The following PDZRN4 variants were observed in gnomAD, a reference collection of about 807,000 sequenced individuals.
PDZRN4 encodes PDZ domain containing ring finger 4, also known as PDZ domain-containing RING finger protein 4.
Under a neutral mutation model 99.0 loss-of-function variants are expected in PDZRN4, and 70 were observed. The ratio of observed to expected loss-of-function variants is 0.71; its 90% confidence interval spans 0.58 to 0.86. The LOEUF is 0.86. Among genes scored for constraint, PDZRN4 ranks in the 40% least tolerant of loss-of-function variants. The probability of loss-of-function intolerance (pLI) is 0.00; values close to 1 mark genes in which losing one functional copy is unlikely to be tolerated. For synonymous variants in PDZRN4, 551 were observed against 501.6 expected, an observed-to-expected ratio of 1.10 and a Z score of -1.32; for missense variants, 1,474 against 1,331.2, an observed-to-expected ratio of 1.11 and a Z score of -1.67.
At chr12:41,474,056 TG>T (rs1264256703) in intron 3 of PDZRN4, among the ~76,000 whole-genome samples, 1 of 152,190 alleles carries the variant, frequency 6.6e-6, no homozygotes, top group Non-Finnish European at 1.5e-5. Context: ...GAGGTGCCTA[TG>T]GCCTGTGAAG....
At chr12:41,237,071 C>T (rs895790368) in intron 3 of PDZRN4, among the ~76,000 whole-genome samples, 1 of 151,986 alleles carries the variant, frequency 6.6e-6, no homozygotes, top group Non-Finnish European at 1.5e-5. Flanking sequence ...ATTCACAAAA[C>T]TAACTTGCAT....
chr12:41,282,683 C>T (rs115086395), intron 3 of PDZRN4, among the ~76,000 whole-genome samples: 12 of 152,118 alleles, frequency 7.9e-5, no homozygotes, highest in East Asian at 1.9e-4. Flanking sequence ...TCTCAGACCA[C>T]GGTGAAATCA....
At chr12:41,437,819 G>A in intron 3 of PDZRN4, 1 of 1,579,108 alleles carries the variant, frequency 6.3e-7, no homozygotes, top group Admixed American at 1.7e-5. Flanking sequence ...CGGTTTGTCT[G>A]TGTTTCTGGA....
At chr12:41,378,171 G>A (rs963381291) in intron 3 of PDZRN4, among the ~76,000 whole-genome samples, 1 of 152,012 alleles carries the variant, frequency 6.6e-6, no homozygotes, top group African/African-American at 2.4e-5. Flanking sequence ...ATTTGTTGAA[G>A]GTTTTTATCA....
Position 41,393,507 on chromosome 12 carries a change from T to TA in PDZRN4, c.844-112937dup, listed in dbSNP as rs61331927. On this transcript the variant is annotated intron_variant, in intron 3 of 9. Transcript: ENST00000402685. ...GAAAGATCTAGAAACCCTTCTAAAATAAAAAAAAAAAATGTAGCTTTTCTT... is the reference window on the plus strand; with the variant it reads ...GAAAGATCTAGAAACCCTTCTAAAATAAAAAAAAAAAAATGTAGCTTTTCTT... 7.5e-3 allele frequency among the ~76,000 whole-genome samples: 1,121 copies of TA among 149,104 alleles called. 8 individuals carry two copies. Among genetic ancestry groups the TA allele is most frequent in the Middle Eastern group, 0.014 (4 of 286 alleles).
At chr12:41,567,115 T>C (rs1939386512) in intron 8 of PDZRN4, among the ~76,000 whole-genome samples, 1 of 152,214 alleles carries the variant, frequency 6.6e-6, no homozygotes, top group Non-Finnish European at 1.5e-5. Context: ...CACCCTTAAA[T>C]GTCGCATCCA....
intron 3 of PDZRN4, among the ~76,000 whole-genome samples, chr12:41,252,197 T>C (rs1399470997): frequency 6.6e-6 from 1 of 152,204 alleles, no homozygotes; most frequent in Non-Finnish European, 1.5e-5. Flanking sequence ...GTCTTATAAA[T>C]ACTTTATGGT....
chr12:41,437,377 T>C (rs1289782485), intron 3 of PDZRN4, among the ~76,000 whole-genome samples: 2 of 152,156 alleles, frequency 1.3e-5, no homozygotes, highest in East Asian at 3.8e-4. Flanking sequence ...GTAAACTAAG[T>C]ATATTTCTGT....
intron 7 of PDZRN4, among the ~76,000 whole-genome samples, chr12:41,560,462 G>A (rs1214488488): frequency 5.3e-5 from 8 of 152,082 alleles, no homozygotes; most frequent in Admixed American, 5.2e-4. Context: ...CTTAGCCAAG[G>A]CAATATCCAT....
chr12:41,372,602 C>T (rs1407035802), intron 3 of PDZRN4, among the ~76,000 whole-genome samples: 2 of 152,066 alleles, frequency 1.3e-5, no homozygotes, highest in South Asian at 2.1e-4. Context: ...ACTTAGTTCA[C>T]GTACAGGGAA....
At chr12:41,196,025 A>G (rs1950769516) in intron 3 of PDZRN4, among the ~76,000 whole-genome samples, 1 of 152,184 alleles carries the variant, frequency 6.6e-6, no homozygotes, top group African/African-American at 2.4e-5. Context: ...AATATTATGT[A>G]TGCTTCATTA....
intron 3 of PDZRN4, among the ~76,000 whole-genome samples, chr12:41,342,994 T>C (rs1252205921): frequency 6.6e-6 from 1 of 151,782 alleles, no homozygotes; most frequent in African/African-American, 2.4e-5. Flanking sequence ...AAACAATAAA[T>C]AGATAAAGAA....
At chr12:41,512,202 G>T (rs893795751) in intron 5 of PDZRN4, among the ~76,000 whole-genome samples, 5 of 152,022 alleles carry the variant, frequency 3.3e-5, no homozygotes, top group African/African-American at 9.7e-5. Flanking sequence ...ATTTAATGAG[G>T]ACTTAAAATG....
chr12:41,406,329 G>C (rs554811177), intron 3 of PDZRN4, among the ~76,000 whole-genome samples: 99 of 151,768 alleles, frequency 6.5e-4, no homozygotes, highest in African/African-American at 2.3e-3. Context: ...AAATAAAACA[G>C]TTTGGTTGAA....
intron 9 of PDZRN4, among the ~76,000 whole-genome samples, chr12:41,570,965 T>C (rs1939461021): frequency 6.6e-6 from 1 of 152,176 alleles, no homozygotes; most frequent in African/African-American, 2.4e-5. Flanking sequence ...CTTTTTATCC[T>C]GCCACTACTT....
At chr12:41,286,017 A>G (rs1482187651) in intron 3 of PDZRN4, among the ~76,000 whole-genome samples, 2 of 152,094 alleles carry the variant, frequency 1.3e-5, no homozygotes, top group African/African-American at 4.8e-5. Flanking sequence ...AAGAGAAAAA[A>G]AATAAAATAA....
intron 3 of PDZRN4, among the ~76,000 whole-genome samples, chr12:41,255,814 G>T (rs1421002881): frequency 6.6e-6 from 1 of 152,118 alleles, no homozygotes; most frequent in Non-Finnish European, 1.5e-5. Flanking sequence ...GTGAGAGAGG[G>T]AGCAAAGAGA....
intron 3 of PDZRN4, among the ~76,000 whole-genome samples, chr12:41,504,414 G>C (rs1216965398): frequency 4.6e-5 from 7 of 152,162 alleles, no homozygotes; most frequent in Non-Finnish European, 2.9e-5. Context: ...GAAGGCTGAG[G>C]ACAAAAGAGC....
rs78434964 is a variant in PDZRN4 at position 41,424,854 on chromosome 12, C to T, written c.844-81602C>T. Among the ~76,000 whole-genome samples the T allele has an allele frequency of 3.7e-3, 559 of 152,224 alleles. 2 individuals are homozygous for T. The highest frequency in any genetic ancestry group is 0.013 in the African/African-American group (521 of 41,548). ...GAGTGGAGAGAAAGACTGAGAGCAG[C>T]AGATGTAAGAGGCCAGGCCTGACAA... On this transcript the variant is annotated intron_variant, in intron 3 of 9. Coordinates refer to ENST00000402685, the MANE Select transcript of PDZRN4 (RefSeq NM_001164595.2).
Sources: allele counts gnomAD v4.1 joint callset (sites outside exome capture counted in the v4.1 genomes callset), GRCh38; gene constraint gnomAD v4.1.1; transcripts MANE v1.5; gene names NCBI Gene and HGNC (gene_info 2026-07-23, HGNC 2026-07-21).